NYAP2: variants seen among roughly 807,000 people sequenced by gnomAD.
NYAP2 encodes the protein neuronal tyrosine-phosphorylated phosphoinositide-3-kinase adaptor 2, also known as neuronal tyrosine-phosphorylated phosphoinositide-3-kinase adapter 2.
In NYAP2, 23 loss-of-function variants were observed where a neutral mutation model predicts 50.4. The observed-to-expected ratio is 0.46, with a 90% CI of 0.33 to 0.65. The LOEUF (loss-of-function observed/expected upper bound fraction) is 0.65, where lower values mean the gene tolerates loss of function less well. NYAP2 is among the 30% of genes least tolerant of loss of function. The pLI is 0.02. For missense variants in NYAP2, 885 were observed against 861.0 expected (o/e 1.03, Z -0.35); for synonymous variants, 394 against 365.2 (o/e 1.08, Z -0.90).
chr2:225,660,474 T>C, the NYAP2 span, among the ~76,000 whole-genome samples: 2 of 145,696 alleles, frequency 1.4e-5, no homozygotes, highest in African/African-American at 5.0e-5. Context: ...ACCTCAGCAT[T>C]TACTTAAAGA....
At chr2:225,503,241 A>G (rs1690636889) in intron 3 of NYAP2, among the ~76,000 whole-genome samples, 1 of 152,210 alleles carries the variant, frequency 6.6e-6, no homozygotes, top group Non-Finnish European at 1.5e-5. Context: ...CTCTGGTTGA[A>G]TTTTTGGAAA....
In NYAP2 at chr2:225,426,298, C is replaced by T. The variant is rs186012684; in HGVS notation, c.221+17197C>T. 9.9e-5 allele frequency among the ~76,000 whole-genome samples: 15 copies of T among 152,250 alleles called. No individual in the cohort carries two copies. In the East Asian group the frequency reaches 2.5e-3, roughly 25 times the overall value. The stretch of plus-strand genomic sequence containing the variant: ...CAAATTACTCAGACTCACTGGGCTG[C>T]AGTTTTCTCCATGTAATATCAGTAC... On this transcript the variant is annotated intron_variant, in intron 3 of 6. Transcript: ENST00000636099.
intron 4 of NYAP2, among the ~76,000 whole-genome samples, chr2:225,566,281 A>C (rs1358029394): frequency 1.3e-5 from 2 of 152,202 alleles, no homozygotes; most frequent in Non-Finnish European, 2.9e-5. Flanking sequence ...GTTGGATGAA[A>C]TGTTTTATGG....
At chr2:225,550,796 C>T (rs942496458) in intron 4 of NYAP2, among the ~76,000 whole-genome samples, 5 of 152,050 alleles carry the variant, frequency 3.3e-5, no homozygotes, top group Non-Finnish European at 7.4e-5. Context: ...CCATCAGGGC[C>T]TTTGATGAGA....
chr2:225,464,158 G>A (rs981662899), intron 3 of NYAP2, among the ~76,000 whole-genome samples: 11 of 152,286 alleles, frequency 7.2e-5, no homozygotes, highest in South Asian at 2.1e-4. Context: ...AACAGAGACC[G>A]ATTGAGGCAG....
At chr2:225,626,511 T>G (rs947489168) in intron 5 of NYAP2, among the ~76,000 whole-genome samples, 3 of 152,184 alleles carry the variant, frequency 2.0e-5, no homozygotes, top group African/African-American at 7.2e-5. Flanking sequence ...TAAAAAAGCC[T>G]TATACATTTG....
At chr2:225,518,927 A>T (rs530774681) in intron 4 of NYAP2, among the ~76,000 whole-genome samples, 345 of 152,128 alleles carry the variant, frequency 2.3e-3, no homozygotes, top group African/African-American at 8.1e-3. Context: ...CTGAGGCAGG[A>T]GAATTGCTTG....
Position 225,412,255 on chromosome 2 carries a change from C to CTTTTTTTTTTTTTTTT in NYAP2, c.221+3165_221+3180dup, listed in dbSNP as rs560637948. Among the ~76,000 whole-genome samples the CTTTTTTTTTTTTTTTT allele has an allele frequency of 7.4e-4, 44 of 59,146 alleles. 7 individuals carry two copies. The highest frequency in any genetic ancestry group is 1.4e-3 in the South Asian group (2 of 1,476). The allele number at this position is 59,146 out of a possible 152,430, so 38.8% of individuals were successfully genotyped here. A position where few individuals can be genotyped will look rare whatever the true frequency, so the allele number is the denominator to read the frequency against. On this transcript the variant is annotated intron_variant, in intron 3 of 6. Coordinates refer to ENST00000636099, the Ensembl canonical transcript of NYAP2. ...TACAGGCGTGAGCCACTGCGCCCGGCTTTTTTTTTTTTTTTTTTTTTTTTT... is the reference window on the plus strand; with the variant it reads ...TACAGGCGTGAGCCACTGCGCCCGGCTTTTTTTTTTTTTTTTTTTTTTTTTTTTTTTTTTTTTTTTT...
At chr2:225,693,461 G>A in the NYAP2 span, among the ~76,000 whole-genome samples, 1 of 152,018 alleles carries the variant, frequency 6.6e-6, no homozygotes, top group Non-Finnish European at 1.5e-5. Flanking sequence ...CGCCTGTTGG[G>A]GGTGATGTTT....
intron 3 of NYAP2, among the ~76,000 whole-genome samples, chr2:225,416,810 A>G (rs1035490054): frequency 6.6e-6 from 1 of 152,146 alleles, no homozygotes; most frequent in Non-Finnish European, 1.5e-5. Context: ...AGATGTTGGC[A>G]AGAGGAGGGG....
At chr2:225,599,715 A>G (rs1040548328) in intron 5 of NYAP2, among the ~76,000 whole-genome samples, 3 of 152,234 alleles carry the variant, frequency 2.0e-5, no homozygotes, top group African/African-American at 4.8e-5. Context: ...GGAAGAATTC[A>G]AAGTCCAGGA....
chr2:225,468,207 G>A (rs1574629911), intron 3 of NYAP2, among the ~76,000 whole-genome samples: 1 of 152,254 alleles, frequency 6.6e-6, no homozygotes, highest in East Asian at 1.9e-4. Context: ...GCTGGATTAG[G>A]TGGGCCTACT....
chr2:225,525,160 G>A (rs1691129697), intron 4 of NYAP2, among the ~76,000 whole-genome samples: 1 of 152,144 alleles, frequency 6.6e-6, no homozygotes, highest in Non-Finnish European at 1.5e-5. Context: ...AACCTTTATG[G>A]AAAATTGTAT....
At chr2:225,425,957 T>A (rs552972958) in intron 3 of NYAP2, among the ~76,000 whole-genome samples, 1 of 151,930 alleles carries the variant, frequency 6.6e-6, no homozygotes, top group African/African-American at 2.4e-5. Flanking sequence ...AAGAAATAAA[T>A]GAAGGGGGAG....
intron 3 of NYAP2, among the ~76,000 whole-genome samples, chr2:225,493,595 AC>A (rs2106172624): frequency 6.6e-6 from 1 of 152,284 alleles, no homozygotes; most frequent in East Asian, 1.9e-4. Flanking sequence ...GGTTTGAGTC[AC>A]CGGTGGCTCT....
At chr2:225,597,125 C>T (rs940389916) in intron 5 of NYAP2, among the ~76,000 whole-genome samples, 4 of 151,888 alleles carry the variant, frequency 2.6e-5, no homozygotes, top group African/African-American at 4.8e-5. Context: ...ATAGATCTGC[C>T]GTCTAACAGC....
At chr2:225,625,373 C>T (rs933008524) in intron 5 of NYAP2, among the ~76,000 whole-genome samples, 11 of 152,114 alleles carry the variant, frequency 7.2e-5, no homozygotes, top group Middle Eastern at 3.4e-3. Flanking sequence ...TTTTTAAAAA[C>T]GCAAAACAAA....
chr2:225,629,224 G>A (rs1457456410), intron 6 of NYAP2, among the ~76,000 whole-genome samples: 1 of 152,190 alleles, frequency 6.6e-6, no homozygotes, highest in African/African-American at 2.4e-5. Flanking sequence ...AAGTGCAAGA[G>A]AAGACAGATG....
chr2:225,541,328 C>T (rs1287760224), intron 4 of NYAP2, among the ~76,000 whole-genome samples: 1 of 152,010 alleles, frequency 6.6e-6, no homozygotes, highest in Non-Finnish European at 1.5e-5. Context: ...GCTTTAGTTG[C>T]CTGTGCTTCT....
Sources: allele counts gnomAD v4.1 joint callset (sites outside exome capture counted in the v4.1 genomes callset), GRCh38; gene constraint gnomAD v4.1.1; transcripts MANE v1.5; gene names NCBI Gene and HGNC (gene_info 2026-07-23, HGNC 2026-07-21).